PCDH15: variants seen among roughly 807,000 people sequenced by gnomAD.
PCDH15 encodes the protein protocadherin-15.
PCDH15 carries 129 observed loss-of-function variants against 178.5 expected under a neutral mutation model. The ratio of observed to expected loss-of-function variants is 0.72; its 90% CI spans 0.63 to 0.84. The LOEUF (loss-of-function observed/expected upper bound fraction) is 0.84, where lower values mean the gene tolerates loss of function less well. Ranked by LOEUF, PCDH15 falls within the 40% of genes least tolerant of loss-of-function variation. The pLI, the probability that PCDH15 is intolerant of heterozygous loss-of-function variation, is 0.00. For synonymous variants in PCDH15, 800 were observed against 732.0 expected (o/e 1.09, Z -1.50); for missense variants, 2,230 against 2,099.9 (o/e 1.06, Z -1.21).
intron 2 of PCDH15, among the ~76,000 whole-genome samples, chr10:55,341,805 A>ATATATAT (rs1565032576): frequency 6.1e-5 from 1 of 16,332 alleles, no homozygotes; most frequent in Non-Finnish European, 1.1e-4. Context: ...ATATATATAT[A>ATATATAT]TTTTTTTTTT....
intron 2 of PCDH15, among the ~76,000 whole-genome samples, chr10:55,122,453 T>C (rs1483481540): frequency 6.6e-6 from 1 of 152,112 alleles, no homozygotes; most frequent in Non-Finnish European, 1.5e-5. Context: ...GAGTTTGAGT[T>C]ATCTGTGTGG....
intron 1 of PCDH15, among the ~76,000 whole-genome samples, chr10:54,678,503 A>G (rs149196685): frequency 1.9e-3 from 285 of 152,248 alleles, no homozygotes; most frequent in African/African-American, 6.4e-3. Context: ...TCAACTTCCA[A>G]TGAGGGTCCT....
At chr10:55,488,397 C>T (rs1256348464) in intron 2 of PCDH15, among the ~76,000 whole-genome samples, 1 of 151,506 alleles carries the variant, frequency 6.6e-6, no homozygotes, top group Non-Finnish European at 1.5e-5. Context: ...ATTAGCAGAA[C>T]ATAGCCTATT....
At chr10:54,545,052 T>C (rs2085691770) in intron 2 of PCDH15, among the ~76,000 whole-genome samples, 1 of 152,078 alleles carries the variant, frequency 6.6e-6, no homozygotes, top group East Asian at 1.9e-4. Context: ...AACTTGACAC[T>C]AAGGGAAAGC....
At chr10:54,543,229 C>A (rs947251198) in intron 2 of PCDH15, among the ~76,000 whole-genome samples, 2 of 152,140 alleles carry the variant, frequency 1.3e-5, no homozygotes, top group South Asian at 4.1e-4. Flanking sequence ...ACGTGTGATC[C>A]GATTCTTCCA....
chr10:54,856,262 C>T (rs1170124835), intron 3 of PCDH15, among the ~76,000 whole-genome samples: 3 of 152,124 alleles, frequency 2.0e-5, no homozygotes. Flanking sequence ...ACAGAAAATG[C>T]ACACTTCAGA....
At chr10:54,138,225 G>T (rs1299794778) in intron 14 of PCDH15, among the ~76,000 whole-genome samples, 2 of 151,972 alleles carry the variant, frequency 1.3e-5, no homozygotes, top group African/African-American at 2.4e-5. Context: ...GAACACTCTT[G>T]GGGGCTTGTT....
chr10:54,857,137 T>C (rs991669648), intron 3 of PCDH15, among the ~76,000 whole-genome samples: 1 of 152,176 alleles, frequency 6.6e-6, no homozygotes, highest in Non-Finnish European at 1.5e-5. Context: ...TTAGTGGACA[T>C]TGAATTCACC....
At chr10:55,292,676 C>T in intron 1 of PCDH15, among the ~76,000 whole-genome samples, 1 of 152,182 alleles carries the variant, frequency 6.6e-6, no homozygotes, top group Non-Finnish European at 1.5e-5. Context: ...GCCACCACAC[C>T]CGTCCCAGGC....
At chr10:55,026,243 CAT>C (rs1300647174) in intron 2 of PCDH15, among the ~76,000 whole-genome samples, 1 of 150,458 alleles carries the variant, frequency 6.6e-6, no homozygotes, top group African/African-American at 2.5e-5. Context: ...CAACTGTTAA[CAT>C]AGATAATAAT....
At chr10:54,505,690 A>G (rs1328445801) in intron 3 of PCDH15, among the ~76,000 whole-genome samples, 1 of 152,020 alleles carries the variant, frequency 6.6e-6, no homozygotes, top group Non-Finnish European at 1.5e-5. Flanking sequence ...AGAAATACCT[A>G]ATGTAGATGA....
chr10:54,509,344 C>T (rs2081441846), intron 3 of PCDH15, among the ~76,000 whole-genome samples: 1 of 151,976 alleles, frequency 6.6e-6, no homozygotes, highest in South Asian at 2.1e-4. Flanking sequence ...TAAGGGTTTC[C>T]CCTTTCACTT....
At chr10:53,845,795 A>G (rs2077933118) in intron 28 of PCDH15, among the ~76,000 whole-genome samples, 1 of 151,770 alleles carries the variant, frequency 6.6e-6, no homozygotes, top group South Asian at 2.1e-4. Context: ...AATAAGTTAT[A>G]GTATTCAACA....
At chr10:55,386,525 C>A (rs2132008263) in intron 2 of PCDH15, among the ~76,000 whole-genome samples, 1 of 152,094 alleles carries the variant, frequency 6.6e-6, no homozygotes, top group Admixed American at 6.5e-5. Context: ...GTCTTCAAAT[C>A]TCTAGCAAAG....
At chr10:54,268,760 A>C (rs1285983046) in intron 8 of PCDH15, among the ~76,000 whole-genome samples, 1 of 152,054 alleles carries the variant, frequency 6.6e-6, no homozygotes, top group South Asian at 2.1e-4. Context: ...TGTAAATATA[A>C]TTACAGTTCT....
chr10:54,259,093 C>T (rs7073678), intron 8 of PCDH15, among the ~76,000 whole-genome samples: 88,787 of 146,850 alleles, frequency 0.6, 27,998 homozygotes, highest in Middle Eastern at 0.72. Flanking sequence ...GAGATAGTGA[C>T]CTAAATTACT....
At chr10:55,012,678 C>T (rs946812586) in intron 2 of PCDH15, among the ~76,000 whole-genome samples, 1 of 152,102 alleles carries the variant, frequency 6.6e-6, no homozygotes, top group African/African-American at 2.4e-5. Context: ...CTTTTCTTTG[C>T]TTCCACTAAA....
At chr10:54,675,693 A>G (rs1470086994) in intron 1 of PCDH15, among the ~76,000 whole-genome samples, 1 of 152,068 alleles carries the variant, frequency 6.6e-6, no homozygotes, top group African/African-American at 2.4e-5. Flanking sequence ...CTTTGTATTC[A>G]GCGAACACAT....
At chr10:55,309,631 C>A (rs1843527013) in intron 1 of PCDH15, among the ~76,000 whole-genome samples, 1 of 151,724 alleles carries the variant, frequency 6.6e-6, no homozygotes. Flanking sequence ...AAGAATATAA[C>A]ATAAATCAAT....
Sources: allele counts gnomAD v4.1 joint callset (sites outside exome capture counted in the v4.1 genomes callset), GRCh38; gene constraint gnomAD v4.1.1; transcripts MANE v1.5; gene names NCBI Gene and HGNC (gene_info 2026-07-23, HGNC 2026-07-21).